The following CCBE1 variants were observed in gnomAD, a reference collection of about 807,000 sequenced individuals.
CCBE1 encodes collagen and calcium-binding EGF domain-containing protein 1.
CCBE1 carries 37 observed loss-of-function variants against 50.0 expected under a neutral mutation model. That is an observed-to-expected ratio of 0.74 (90% CI 0.57 to 0.97). The LOEUF (loss-of-function observed/expected upper bound fraction) is 0.97, where lower values mean the gene tolerates loss of function less well. Ranked by LOEUF, CCBE1 falls within the 50% of genes least tolerant of loss-of-function variation. The pLI, the probability that CCBE1 is intolerant of heterozygous loss-of-function variation, is 0.00. For missense variants in CCBE1, 538 were observed against 523.8 expected (o/e 1.03, Z -0.26); for synonymous variants, 234 against 203.7 (o/e 1.15, Z -1.27).
At chr18:59,598,068 A>C (rs79833218) in intron 2 of CCBE1, among the ~76,000 whole-genome samples, 1,599 of 152,038 alleles carry the variant, frequency 0.011, 11 homozygotes, top group Non-Finnish European at 0.015. Context: ...ATTGGTGGAC[A>C]CAGGTTGAGG....
Position 59,480,222 on chromosome 18 carries a change from C to CT in CCBE1, c.228dup (p.Gly77ArgfsTer3). The CT allele has an allele frequency of 6.3e-7, 1 of 1,596,558 alleles. No individual in the cohort carries two copies. Among genetic ancestry groups the CT allele is most frequent in the Non-Finnish European group, 8.6e-7 (1 of 1,164,702 alleles). ...CATTGTCCAAGAACAAATTTATATC[C>CT]TTTGCAGCACTTTTTCCTAAGAGAC... On this transcript the variant is annotated frameshift_variant, in exon 3 of 11. Coordinates refer to ENST00000439986, the MANE Select transcript of CCBE1 (RefSeq NM_133459.4). LOFTEE classifies it high-confidence loss of function.
At chr18:59,641,099 C>G (rs1259175247) in intron 2 of CCBE1, among the ~76,000 whole-genome samples, 3 of 152,114 alleles carry the variant, frequency 2.0e-5, no homozygotes, top group Non-Finnish European at 2.9e-5. Context: ...ACAGTGACCC[C>G]TCAATCCCAT....
intron 2 of CCBE1, among the ~76,000 whole-genome samples, chr18:59,585,784 A>G (rs900585951): frequency 6.6e-6 from 1 of 152,228 alleles, no homozygotes; most frequent in African/African-American, 2.4e-5. Flanking sequence ...CAAACAGCTT[A>G]ATCCACACAC....
chr18:59,668,738 C>T (rs557792608), intron 2 of CCBE1, among the ~76,000 whole-genome samples: 56 of 151,524 alleles, frequency 3.7e-4, no homozygotes, highest in Non-Finnish European at 5.9e-4. Flanking sequence ...GCTAAGGCTG[C>T]CTCTGTGCAA....
chr18:59,663,301 T>C (rs1036450583), intron 2 of CCBE1, among the ~76,000 whole-genome samples: 1 of 152,132 alleles, frequency 6.6e-6, no homozygotes, highest in African/African-American at 2.4e-5. Context: ...ATATCTGAGC[T>C]TTAGTAATGA....
intron 2 of CCBE1, among the ~76,000 whole-genome samples, chr18:59,649,853 A>G (rs1360985511): frequency 6.6e-6 from 1 of 152,210 alleles, no homozygotes; most frequent in East Asian, 1.9e-4. Flanking sequence ...TGACACTCCA[A>G]GAGTCACTAG....
intron 2 of CCBE1, among the ~76,000 whole-genome samples, chr18:59,556,509 C>T (rs1409943233): frequency 6.6e-6 from 1 of 152,146 alleles, no homozygotes; most frequent in Non-Finnish European, 1.5e-5. Context: ...TGTGATCCAG[C>T]TGCAGAAGAC....
At chr18:59,656,230 G>A (rs2144676462) in intron 2 of CCBE1, among the ~76,000 whole-genome samples, 1 of 152,292 alleles carries the variant, frequency 6.6e-6, no homozygotes, top group Middle Eastern at 3.4e-3. Flanking sequence ...AGTTAAATAG[G>A]ATGGGGTAAG....
intron 2 of CCBE1, among the ~76,000 whole-genome samples, chr18:59,579,436 GAC>G (rs1190038818): frequency 6.6e-6 from 1 of 151,152 alleles, no homozygotes; most frequent in Admixed American, 6.6e-5. Context: ...CCCAGCCCCA[GAC>G]ACTCTCATTC....
intron 2 of CCBE1, among the ~76,000 whole-genome samples, chr18:59,645,694 A>G (rs2054046077): frequency 6.6e-6 from 1 of 152,214 alleles, no homozygotes; most frequent in Admixed American, 6.5e-5. Flanking sequence ...TAGGTTTTGA[A>G]ACCAATTCAG....
chr18:59,673,540 C>A lies in CCBE1; in HGVS notation c.212+23089G>T, dbSNP rs375734101. ...CAGTGCCTGGAACATAGTAAGTGCT[C>A]GGCACATACTTCTTACAATCATTGT... On this transcript the variant is annotated intron_variant, in intron 2 of 10. Transcript: ENST00000439986. Among the ~76,000 whole-genome samples, 146 of 152,244 alleles carry A rather than the reference C, an allele frequency of 9.6e-4. 2 individuals are homozygous for A. In the South Asian group the frequency reaches 0.021, roughly 21 times the overall value.
chr18:59,551,603 C>G (rs1235995645), intron 2 of CCBE1, among the ~76,000 whole-genome samples: 1 of 152,190 alleles, frequency 6.6e-6, no homozygotes, highest in African/African-American at 2.4e-5. Context: ...GACAGAAACA[C>G]CATTGTGTAG....
rs139165727 is a variant in CCBE1 at position 59,469,563 on chromosome 18, C to T, written c.310G>A (p.Asp104Asn). 203 of 1,614,082 alleles carry T rather than the reference C, an allele frequency of 1.3e-4. No homozygotes were observed. The highest frequency in any genetic ancestry group is 1.7e-4 in the Non-Finnish European group (197 of 1,180,052). Residue 104 changes from aspartate to asparagine, a missense_variant, in exon 4 of 11, where the codon GAC (aspartate) becomes AAC (asparagine). Asp to Asn is a conservative substitution (Grantham distance 23). Transcript: ENST00000439986. ...AEAPCEQQCT[D>N]NFGRVLCTCY... The stretch of plus-strand genomic sequence containing the variant: ...GTACACAGCACTCGGCCAAAGTTGT[C>T]CGTGCACTGCTGTTCACAGGGAGCC...
chr18:59,510,196 C>T (rs754566016), intron 2 of CCBE1, among the ~76,000 whole-genome samples: 27 of 152,178 alleles, frequency 1.8e-4, no homozygotes, highest in Non-Finnish European at 3.2e-4. Context: ...TTGATCCTTG[C>T]TGCTGTGTGA....
At chr18:59,655,012 G>T (rs2054170390) in intron 2 of CCBE1, among the ~76,000 whole-genome samples, 1 of 149,728 alleles carries the variant, frequency 6.7e-6, no homozygotes, top group African/African-American at 2.5e-5. Context: ...ACTTAAACCT[G>T]GGAGGCGGAG....
At chr18:59,567,028 A>T (rs1038278182) in intron 2 of CCBE1, among the ~76,000 whole-genome samples, 31 of 152,276 alleles carry the variant, frequency 2.0e-4, no homozygotes, top group African/African-American at 7.2e-4. Flanking sequence ...ATCTGTAAGC[A>T]AAGAGGTGAG....
chr18:59,480,748 G>C (rs1261222776), intron 2 of CCBE1, among the ~76,000 whole-genome samples: 2 of 137,884 alleles, frequency 1.5e-5, no homozygotes, highest in African/African-American at 5.8e-5. Context: ...ATTCTCATTT[G>C]AGTGATTTTT....
At chr18:59,692,358 T>C (rs1385829504) in intron 2 of CCBE1, among the ~76,000 whole-genome samples, 1 of 152,166 alleles carries the variant, frequency 6.6e-6, no homozygotes, top group Non-Finnish European at 1.5e-5. Flanking sequence ...ATTTTACAGA[T>C]GAGAAAATTA....
intron 2 of CCBE1, among the ~76,000 whole-genome samples, chr18:59,576,880 T>C (rs550693948): frequency 1.3e-5 from 2 of 152,328 alleles, no homozygotes; most frequent in East Asian, 3.9e-4. Context: ...CAAGTCTGCA[T>C]AGTGGGTTTT....
Sources: gnomAD v4.1 joint callset for allele counts (sites outside exome capture counted in the v4.1 genomes callset) on GRCh38, gnomAD v4.1.1 for gene constraint, MANE v1.5 for transcripts, NCBI Gene and HGNC (gene_info 2026-07-23, HGNC 2026-07-21) for gene names.